The following FAM168A variants were observed in gnomAD, a reference collection of about 807,000 sequenced individuals.
FAM168A encodes the protein protein FAM168A.
A neutral mutation model predicts 28.5 loss-of-function variants in FAM168A; 3 were observed. That is an observed-to-expected ratio of 0.11 (90% confidence interval 0.05 to 0.27). The LOEUF is 0.27. Ranked by LOEUF, FAM168A falls within the 10% of genes least tolerant of loss-of-function variation. The pLI is 1.00. For missense variants in FAM168A, 222 were observed against 311.5 expected, an observed-to-expected ratio of 0.71 and a Z score of 2.16; for synonymous variants, 122 against 124.2, an observed-to-expected ratio of 0.98 and a Z score of 0.12.
At chr11:73,468,570 C>T in intron 1 of FAM168A, 78 bp from the exon 2 acceptor site, 1 of 1,204,762 alleles carries the variant, frequency 8.3e-7, no homozygotes, top group East Asian at 2.4e-5. Flanking sequence ...CCATAATCTT[C>T]AGTTTTCCCT....
chr11:73,430,303 T>C (rs1281588093), intron 3 of FAM168A: 3 of 247,808 alleles, frequency 1.2e-5, no homozygotes, highest in Non-Finnish European at 1.6e-5. Flanking sequence ...TGTGTGTGTG[T>C]CCCAAGGGGT....
intron 1 of FAM168A, among the ~76,000 whole-genome samples, chr11:73,486,341 T>C (rs1185863045): frequency 6.6e-6 from 1 of 152,290 alleles, no homozygotes; most frequent in Non-Finnish European, 1.5e-5. Flanking sequence ...GGACTCTTCA[T>C]ACCCATTAAA....
At chr11:73,436,333 C>T (rs1425685200) in intron 2 of FAM168A, among the ~76,000 whole-genome samples, 1 of 152,054 alleles carries the variant, frequency 6.6e-6, no homozygotes, top group Non-Finnish European at 1.5e-5. Context: ...CCTTTAGGAG[C>T]TTAAAATAGC....
At chr11:73,511,149 C>A (rs1439027624) in intron 1 of FAM168A, among the ~76,000 whole-genome samples, 1 of 152,044 alleles carries the variant, frequency 6.6e-6, no homozygotes, top group African/African-American at 2.4e-5. Flanking sequence ...AGAGCCAAGG[C>A]CACATCTTGG....
chr11:73,430,851 T>C (rs1422137911), intron 2 of FAM168A, 81 bp from the exon 3 acceptor site: 26 of 1,172,178 alleles, frequency 2.2e-5, no homozygotes, highest in Non-Finnish European at 3.0e-5. Context: ...AACACCCAGA[T>C]TTTTGAGGAA....
At chr11:73,528,907 A>G (rs930901308) in intron 1 of FAM168A, among the ~76,000 whole-genome samples, 2 of 152,164 alleles carry the variant, frequency 1.3e-5, no homozygotes, top group African/African-American at 4.8e-5. Flanking sequence ...TCAGCCCCCA[A>G]AAAAGGAAAG....
At chr11:73,445,988 A>C (rs1867305587) in intron 2 of FAM168A, among the ~76,000 whole-genome samples, 1 of 152,232 alleles carries the variant, frequency 6.6e-6, no homozygotes. Flanking sequence ...CAGATCTGAC[A>C]AAAGAGAATG....
chr11:73,553,540 T>C (rs976432593), intron 1 of FAM168A, among the ~76,000 whole-genome samples: 1 of 152,146 alleles, frequency 6.6e-6, no homozygotes, highest in Non-Finnish European at 1.5e-5. Context: ...AAAGGCAGTA[T>C]GGGGAGTTAG....
In FAM168A at chr11:73,419,996, G is replaced by C. The variant is rs1176011217; in HGVS notation, c.155C>G (p.Thr52Ser). ...TGGCCAGGCCTGTTTCATCAGCAGA[G>C]TTGCTTAAGGGAAGACACAAGAATG... ...PTNSPSYAPA[T>S]LLMKQAWPQN... The change falls in exon 4 of 8, where the codon ACT becomes AGT. Residue 52 changes from threonine (T) to serine (S), a missense_variant. Coordinates refer to ENST00000356467, the MANE Select transcript of FAM168A (RefSeq NM_015159.3). 1.2e-6 allele frequency: 2 copies of C among 1,613,398 alleles called. No individual in the cohort carries two copies. Among genetic ancestry groups the C allele is most frequent in the Middle Eastern group, 1.7e-4 (1 of 6,050 alleles).
chr11:73,536,485 C>T (rs1472774794), intron 1 of FAM168A, among the ~76,000 whole-genome samples: 7 of 152,158 alleles, frequency 4.6e-5, no homozygotes, highest in South Asian at 2.1e-4. Flanking sequence ...GTCAGGAGTT[C>T]GAGACCAGCC....
chr11:73,537,381 C>A (rs565311307), intron 1 of FAM168A, among the ~76,000 whole-genome samples: 6 of 151,890 alleles, frequency 4.0e-5, no homozygotes, highest in African/African-American at 1.5e-4. Context: ...GGCAACATGG[C>A]GAAACCCCGT....
At chr11:73,540,539 A>G (rs1314513690) in intron 1 of FAM168A, among the ~76,000 whole-genome samples, 1 of 152,094 alleles carries the variant, frequency 6.6e-6, no homozygotes, top group Non-Finnish European at 1.5e-5. Flanking sequence ...CCTTCTTACT[A>G]TTCCACAAAA....
intron 2 of FAM168A, among the ~76,000 whole-genome samples, chr11:73,441,196 T>A (rs987920382): frequency 1.3e-5 from 2 of 152,010 alleles, no homozygotes; most frequent in African/African-American, 2.4e-5. Context: ...GTAGCTGGGA[T>A]TACAGGCACA....
rs553730364 is a variant in FAM168A, at chr11:73,476,621, C to T, written c.-18-8129G>A. On this transcript the variant is annotated intron_variant, in intron 1 of 7. Coordinates refer to ENST00000356467, the MANE Select transcript of FAM168A (RefSeq NM_015159.3). ...CAGGTAACAATAAATTTTGTTCTTGCAGGAGTCTAGATATTGGAATCAGCA... is the reference window on the plus strand; with the variant it reads ...CAGGTAACAATAAATTTTGTTCTTGTAGGAGTCTAGATATTGGAATCAGCA... Among the ~76,000 whole-genome samples the T allele has an allele frequency of 5.9e-5, 9 of 151,806 alleles. No homozygotes were observed. The South Asian group carries it at 1.9e-3, about 32-fold the overall frequency.
At chr11:73,507,734 T>A (rs937110988) in intron 1 of FAM168A, among the ~76,000 whole-genome samples, 1 of 152,222 alleles carries the variant, frequency 6.6e-6, no homozygotes, top group Admixed American at 6.5e-5. Flanking sequence ...GACCTCTGAA[T>A]AATATTACAG....
intron 1 of FAM168A, among the ~76,000 whole-genome samples, chr11:73,489,973 C>T (rs1475923417): frequency 6.6e-6 from 1 of 152,130 alleles, no homozygotes; most frequent in Non-Finnish European, 1.5e-5. Flanking sequence ...AGTCTCCATA[C>T]ACTCTCAAAG....
chr11:73,549,537 CTA>C (rs1943801097), intron 1 of FAM168A, among the ~76,000 whole-genome samples: 1 of 152,168 alleles, frequency 6.6e-6, no homozygotes, highest in South Asian at 2.1e-4. Context: ...CAGGACAGCG[CTA>C]TGTCTAAATT....
intron 1 of FAM168A, among the ~76,000 whole-genome samples, chr11:73,513,879 C>T (rs1229698063): frequency 6.6e-6 from 1 of 152,130 alleles, no homozygotes; most frequent in Non-Finnish European, 1.5e-5. Flanking sequence ...CCTTGGTTTA[C>T]TCATCTTTAA....
rs11235736 is a variant in FAM168A, at chr11:73,400,572, T to G, written c.*6191A>C. On this transcript the variant is annotated 3_prime_UTR_variant, in exon 8 of 8. Transcript: ENST00000356467. ...CTCACTGTGCTCCCACATCACACACTTAGGGTGGGTGCTGAAGTTGCCACT... is the reference window on the plus strand; with the variant it reads ...CTCACTGTGCTCCCACATCACACACGTAGGGTGGGTGCTGAAGTTGCCACT... The G allele has an allele frequency of 0.093, 14,113 of 152,270 alleles. 700 individuals carry two copies. The highest frequency in any genetic ancestry group is 0.12 in the Admixed American group (1,815 of 15,304). The allele number at this position is 152,270 out of a possible 1,614,324, so 9.4% of individuals were successfully genotyped here. A position where few individuals can be genotyped will look rare whatever the true frequency, so the allele number is the denominator to read the frequency against.
Sources: gnomAD v4.1 joint callset for allele counts (sites outside exome capture counted in the v4.1 genomes callset) on GRCh38, gnomAD v4.1.1 for gene constraint, MANE v1.5 for transcripts, NCBI Gene and HGNC (gene_info 2026-07-23, HGNC 2026-07-21) for gene names.